ZNF362: variants seen among roughly 807,000 people sequenced by gnomAD.
ZNF362 encodes zinc finger protein 362.
A neutral mutation model predicts 42.9 loss-of-function variants in ZNF362; 11 were observed. That is an observed-to-expected ratio of 0.26 (90% CI 0.16 to 0.42). The LOEUF (loss-of-function observed/expected upper bound fraction) is 0.42. ZNF362 is among the 20% of genes least tolerant of loss of function. The probability of loss-of-function intolerance (pLI) is 1.00; values close to 1 mark genes in which losing one functional copy is unlikely to be tolerated. For synonymous variants in ZNF362, 255 were observed against 257.3 expected (o/e 0.99, Z 0.09); for missense variants, 362 against 576.2 (o/e 0.63, Z 3.81).
chr1:33,231,976 C>T, the ZNF362 span, among the ~76,000 whole-genome samples: 1 of 152,142 alleles, frequency 6.6e-6, no homozygotes, highest in African/African-American at 2.4e-5. Context: ...CTTGGAGTCA[C>T]AGATGATGTT....
chr1:33,226,459 C>T, the ZNF362 span, among the ~76,000 whole-genome samples: 4 of 152,186 alleles, frequency 2.6e-5, no homozygotes, highest in African/African-American at 7.2e-5. Flanking sequence ...TCTCCATAAG[C>T]TGATGAATGG....
At chr1:33,273,112 G>A (rs572038985) in intron 2 of ZNF362, among the ~76,000 whole-genome samples, 13 of 152,352 alleles carry the variant, frequency 8.5e-5, no homozygotes, top group Admixed American at 7.2e-4. Flanking sequence ...CCACCTCAAA[G>A]GCATGTTGGG....
intron 1 of ZNF362, among the ~76,000 whole-genome samples, chr1:33,263,988 C>T (rs775273323): frequency 6.6e-6 from 1 of 152,166 alleles, no homozygotes; most frequent in Non-Finnish European, 1.5e-5. Flanking sequence ...CTCAGCCTTC[C>T]CTTTGCTGCT....
At chr1:33,184,458 G>A in the ZNF362 span, among the ~76,000 whole-genome samples, 2 of 152,188 alleles carry the variant, frequency 1.3e-5, no homozygotes, top group Admixed American at 1.3e-4. Flanking sequence ...TTGCAGCCGA[G>A]TGAGACTTGG....
At chr1:33,292,858 A>T (rs938352671) in intron 6 of ZNF362, among the ~76,000 whole-genome samples, 1 of 152,236 alleles carries the variant, frequency 6.6e-6, no homozygotes, top group Non-Finnish European at 1.5e-5. Flanking sequence ...GTTGGTCCAG[A>T]TGACCCTTAA....
At chr1:33,232,844 G>A in the ZNF362 span, among the ~76,000 whole-genome samples, 4 of 152,188 alleles carry the variant, frequency 2.6e-5, no homozygotes, top group Admixed American at 2.6e-4. Context: ...ACACTTGTCT[G>A]CTTCTTCAAC....
the ZNF362 span, among the ~76,000 whole-genome samples, chr1:33,189,651 A>G: frequency 1.4e-4 from 3 of 20,710 alleles, no homozygotes; most frequent in African/African-American, 1.9e-4. Flanking sequence ...ATATATATAT[A>G]TATATATATA....
At chr1:33,296,256 C>T (rs1196828247) in intron 8 of ZNF362, among the ~76,000 whole-genome samples, 2 of 152,158 alleles carry the variant, frequency 1.3e-5, no homozygotes, top group African/African-American at 4.8e-5. Flanking sequence ...GGCCTCCATC[C>T]GCTAGATGCC....
chr1:33,281,872 A>G lies in ZNF362; in HGVS notation c.908+61A>G. 1 of 1,570,370 alleles carries G rather than the reference A, an allele frequency of 6.4e-7. No homozygotes were observed. Among genetic ancestry groups the G allele is most frequent in the Non-Finnish European group, 8.7e-7 (1 of 1,145,976 alleles). On this transcript the variant is annotated intron_variant, in intron 6 of 8. Transcript: ENST00000539719. This position sits in a 1 kb window ranked among gnomAD's most constrained non-coding sequence, Gnocchi z 4.8. ...CTCAGCTCAGCACCCGTGGCCTGGCACATGGAGCCAGTGCAAGGAGGGGCA... is the reference window on the plus strand; with the variant it reads ...CTCAGCTCAGCACCCGTGGCCTGGCGCATGGAGCCAGTGCAAGGAGGGGCA...
chr1:33,198,118 A>T, the ZNF362 span, among the ~76,000 whole-genome samples: 1 of 152,362 alleles, frequency 6.6e-6, no homozygotes, highest in Non-Finnish European at 1.5e-5. Context: ...TATAAAAATT[A>T]TCCAGAGCCC....
chr1:33,244,178 C>T, the ZNF362 span, among the ~76,000 whole-genome samples: 7 of 152,316 alleles, frequency 4.6e-5, no homozygotes, highest in South Asian at 4.1e-4. This position sits in a 1 kb window ranked among gnomAD's most constrained non-coding sequence, Gnocchi z 4.0. Context: ...CCTTCCCCTT[C>T]CCGTCATTCC....
chr1:33,262,270 T>G lies in ZNF362; in HGVS notation c.-89+5616T>G, dbSNP rs550198841. Among the ~76,000 whole-genome samples, 5 of 151,176 alleles carry G rather than the reference T, an allele frequency of 3.3e-5. No individual in the cohort carries two copies. In the South Asian group the frequency reaches 1.0e-3, roughly 32 times the overall value. ...GTCTCCACCATCTGGGGTCCTTTTC[T>G]GAACTTTGGGCAAAGGCTTTAGGAT... On this transcript the variant is annotated intron_variant, in intron 1 of 8. Transcript: ENST00000539719.
At position 33,276,107 on chromosome 1, in the gene ZNF362, G is replaced by A. The variant is rs758896981; in HGVS notation, c.46G>A (p.Glu16Lys). Reference sequence around the variant, plus strand: ...GTCGCTCTCTTCCCGCAGGATGGCCGAGCCTCGATTTAACAACCCCTACTT... The same window carrying A: ...GTCGCTCTCTTCCCGCAGGATGGCCAAGCCTCGATTTAACAACCCCTACTT... Reference protein sequence around the residue: ...PSGKGHSRMAEPRFNNPYFWP... With the variant: ...PSGKGHSRMAKPRFNNPYFWP... The change falls in exon 3 of 9, where the codon GAG (glutamate) becomes AAG (lysine). Residue 16 changes from glutamate to lysine, a missense_variant. Transcript: ENST00000539719. 1.2e-6 allele frequency: 2 copies of A among 1,614,036 alleles called. No homozygotes were observed. Among genetic ancestry groups the A allele is most frequent in the Non-Finnish European group, 1.7e-6 (2 of 1,179,998 alleles).
chr1:33,161,576 C>T, the ZNF362 span, among the ~76,000 whole-genome samples: 3 of 152,130 alleles, frequency 2.0e-5, no homozygotes, highest in Non-Finnish European at 2.9e-5. This position sits in a 1 kb window ranked among gnomAD's most constrained non-coding sequence, Gnocchi z 4.3. Context: ...CCACCCAGAA[C>T]GCCAGGCAGA....
chr1:33,195,691 A>G, the ZNF362 span: 1 of 151,974 alleles, frequency 6.6e-6, no homozygotes, highest in Admixed American at 6.6e-5. Context: ...AGTATGGTAT[A>G]TTTCTATAGG....
chr1:33,285,679 G>T (rs1646027229), intron 6 of ZNF362, among the ~76,000 whole-genome samples: 1 of 152,174 alleles, frequency 6.6e-6, no homozygotes, highest in Non-Finnish European at 1.5e-5. Flanking sequence ...AACCCAGGGA[G>T]GTTGAGTTTC....
chr1:33,161,578 C>T, the ZNF362 span, among the ~76,000 whole-genome samples: 1 of 152,076 alleles, frequency 6.6e-6, no homozygotes, highest in South Asian at 2.1e-4. This position sits in a 1 kb window ranked among gnomAD's most constrained non-coding sequence, Gnocchi z 4.3. Flanking sequence ...ACCCAGAACG[C>T]CAGGCAGACA....
At chr1:33,159,601 G>A in the ZNF362 span, 2 of 1,483,052 alleles carry the variant, frequency 1.3e-6, no homozygotes, top group South Asian at 2.6e-5. The surrounding 1 kb of genome is among the most constrained non-coding windows in gnomAD (Gnocchi z 4.2). Flanking sequence ...TCTCTGCTAA[G>A]GATCCCATCT....
At chr1:33,200,395 G>T in the ZNF362 span, 1 of 151,898 alleles carries the variant, frequency 6.6e-6, no homozygotes, top group Non-Finnish European at 1.5e-5. Context: ...AAAAATGGAA[G>T]AAAAAATTGA....
Sources: gnomAD v4.1 joint callset for allele counts (sites outside exome capture counted in the v4.1 genomes callset) on GRCh38, gnomAD v4.1.1 for gene constraint, Gnocchi (gnomAD v3.1) non-coding constraint, MANE v1.5 for transcripts, NCBI Gene and HGNC (gene_info 2026-07-23, HGNC 2026-07-21) for gene names.